The following CLGN variants were observed in gnomAD, a reference collection of about 807,000 sequenced individuals.
CLGN encodes testis tissue sperm-binding protein Li 79P.
In CLGN, 62 loss-of-function variants were observed where a neutral mutation model predicts 79.1. The ratio of observed to expected loss-of-function variants is 0.78; its 90% CI spans 0.64 to 0.97. The LOEUF (loss-of-function observed/expected upper bound fraction) is 0.97, where lower values mean the gene tolerates loss of function less well. Among genes scored for constraint, CLGN ranks in the 50% least tolerant of loss-of-function variants. The pLI is 0.00. For missense variants in CLGN, 647 were observed against 715.5 expected (o/e 0.90, Z 1.09); for synonymous variants, 225 against 224.7 (o/e 1.00, Z -0.01).
intron 8 of CLGN, among the ~76,000 whole-genome samples, chr4:140,398,495 C>G (rs1232226657): frequency 1.3e-5 from 2 of 151,982 alleles, no homozygotes; most frequent in South Asian, 2.1e-4. Flanking sequence ...TTTCGAACTC[C>G]TGACCTCAGG....
intron 5 of CLGN, among the ~76,000 whole-genome samples, chr4:140,402,337 A>C (rs1022405598): frequency 3.9e-5 from 6 of 151,992 alleles, no homozygotes; most frequent in African/African-American, 1.4e-4. Context: ...TTTTCCATCA[A>C]AACTGATAAA....
At chr4:140,400,705 G>A (rs1728983560) in intron 6 of CLGN, among the ~76,000 whole-genome samples, 156 bp from the exon 7 acceptor site, 1 of 152,050 alleles carries the variant, frequency 6.6e-6, no homozygotes, top group Non-Finnish European at 1.5e-5. Context: ...AAGGACATGG[G>A]AAAATGACAA....
At chr4:140,420,553 T>A (rs866959837) in intron 1 of CLGN, among the ~76,000 whole-genome samples, 2 of 150,124 alleles carry the variant, frequency 1.3e-5, no homozygotes, top group South Asian at 2.1e-4. Context: ...GTTCTTTTTT[T>A]TAAAAAAAAA....
At position 140,398,855 on chromosome 4, in the gene CLGN, CTTCTGG is replaced by C; in HGVS notation, c.874_879del (p.Pro292_Glu293del). 1 of 1,613,552 alleles carries C rather than the reference CTTCTGG, an allele frequency of 6.2e-7. No homozygotes were observed. Among genetic ancestry groups the C allele is most frequent in the Non-Finnish European group, 8.5e-7 (1 of 1,179,788 alleles). On this transcript the variant is annotated inframe_deletion, in exon 8 of 15. Transcript: ENST00000325617. ...GCTACCGAATTATTTGCTTACCAGT[CTTCTGG>C]TTTGACGGCAGAAGGATCAGGAATT...
At chr4:140,400,691 A>C in intron 6 of CLGN, 142 bp from the exon 7 acceptor site, 2 of 562,310 alleles carry the variant, frequency 3.6e-6, no homozygotes, top group South Asian at 5.1e-5. Flanking sequence ...TACAAGTGAC[A>C]ATAAAGGACA....
chr4:140,400,550 C>A lies in CLGN; in HGVS notation c.502-1G>T. 2.5e-6 allele frequency: 4 copies of A among 1,575,348 alleles called. No homozygotes were observed. The highest frequency in any genetic ancestry group is 3.5e-6 in the Non-Finnish European group (4 of 1,154,792). On this transcript the variant is annotated splice_acceptor_variant, in intron 6 of 14. Coordinates refer to ENST00000325617, the MANE Select transcript of CLGN (RefSeq NM_004362.3). LOFTEE classifies it high-confidence loss of function. ...AGGATGTTTTATCATAAAAGTTTTCCTTCAAAGAGAGATGAGTGTTGGCAT... is the reference window on the plus strand; with the variant it reads ...AGGATGTTTTATCATAAAAGTTTTCATTCAAAGAGAGATGAGTGTTGGCAT...
rs371002888 is a variant in CLGN at position 140,413,052 on chromosome 4, A to T, written c.27T>A (p.Cys9Ter). The T allele has an allele frequency of 2.8e-5, 45 of 1,612,554 alleles. No homozygotes were observed. Among genetic ancestry groups the T allele is most frequent in the Non-Finnish European group, 3.6e-5 (43 of 1,179,462 alleles). Residue 9 changes from cysteine (C) to a stop codon, truncating the protein, a stop_gained, in exon 2 of 15, where the codon TGT becomes TGA. Coordinates refer to ENST00000325617, the MANE Select transcript of CLGN (RefSeq NM_004362.3). LOFTEE classifies it high-confidence loss of function. ...TAATTGAGATGAACAGAAGACCCAA[A>T]CATAGCCAAAAGGCTTGGAAATGCA... MHFQAFWLCLGLLFISINA... is the reference protein window; with the variant it reads MHFQAFWL
At chr4:140,412,780 A>T (rs1332090689) in intron 2 of CLGN, among the ~76,000 whole-genome samples, 155 bp downstream of exon 2, 1 of 152,228 alleles carries the variant, frequency 6.6e-6, no homozygotes, top group Non-Finnish European at 1.5e-5. Context: ...GGCACTCTAA[A>T]AATTAAAGTA....
chr4:140,408,157 T>C (rs905336313), intron 4 of CLGN, among the ~76,000 whole-genome samples: 1 of 151,972 alleles, frequency 6.6e-6, no homozygotes, highest in South Asian at 2.1e-4. Flanking sequence ...TCCTTACTTG[T>C]CACCTTATAC....
chr4:140,418,276 C>T (rs1372289929), intron 1 of CLGN, among the ~76,000 whole-genome samples: 1 of 150,800 alleles, frequency 6.6e-6, no homozygotes, highest in East Asian at 1.9e-4. Context: ...CATTACCATT[C>T]AGGACATAGG....
At position 140,393,942 on chromosome 4, in the gene CLGN, A is replaced by G. The variant is rs142857415; in HGVS notation, c.1249T>C (p.Ser417Pro). 1.7e-4 allele frequency: 268 copies of G among 1,613,654 alleles called. No individual in the cohort carries two copies. The highest frequency in any genetic ancestry group is 2.2e-4 in the Non-Finnish European group (261 of 1,179,770). ...SFSALGLELW[S>P]MTSDIYFDNF... ...TCAAAGTAGATATCAGAGGTCATAG[A>G]CCAAAGCTCTAAACCAAGAGCACTG... The change falls in exon 11 of 15, where the codon TCT (serine) becomes CCT (proline). Residue 417 changes from serine (S) to proline (P), a missense_variant. Ser to Pro is a moderately conservative substitution (Grantham distance 74, BLOSUM62 -1). Coordinates refer to ENST00000325617, the MANE Select transcript of CLGN (RefSeq NM_004362.3).
At chr4:140,390,066 T>G (rs1200817668) in intron 14 of CLGN, among the ~76,000 whole-genome samples, 1 of 151,468 alleles carries the variant, frequency 6.6e-6, no homozygotes, top group Admixed American at 6.6e-5. Flanking sequence ...GGATTTCTCA[T>G]TCCATAATAA....
At chr4:140,403,529 G>C (rs949827808) in intron 5 of CLGN, among the ~76,000 whole-genome samples, 1 of 152,132 alleles carries the variant, frequency 6.6e-6, no homozygotes, top group Non-Finnish European at 1.5e-5. Context: ...ACTATAAGTA[G>C]AACACGTGGT....
intron 5 of CLGN, among the ~76,000 whole-genome samples, chr4:140,404,388 A>C (rs1578599042): frequency 6.6e-6 from 1 of 152,046 alleles, no homozygotes; most frequent in Non-Finnish European, 1.5e-5. Context: ...GCACTGCGCC[A>C]GGCCTTTACT....
intron 1 of CLGN, among the ~76,000 whole-genome samples, chr4:140,416,385 A>C (rs1318068354): frequency 1.4e-5 from 2 of 140,334 alleles, no homozygotes; most frequent in African/African-American, 5.3e-5. Flanking sequence ...GACACAAAAA[A>C]CCCTTCAAAA....
intron 1 of CLGN, among the ~76,000 whole-genome samples, chr4:140,422,741 G>A (rs928413191): frequency 1.3e-5 from 2 of 152,012 alleles, no homozygotes; most frequent in African/African-American, 2.4e-5. Context: ...TCAGCCTCTC[G>A]AGTAGCTGGG....
At chr4:140,426,146 A>G (rs1470553356) in intron 1 of CLGN, among the ~76,000 whole-genome samples, 1 of 152,212 alleles carries the variant, frequency 6.6e-6, no homozygotes. Flanking sequence ...AATAAAAAGT[A>G]CACCCAACAT....
At chr4:140,412,870 G>C in intron 2 of CLGN, 65 bp downstream of exon 2, 1 of 1,319,550 alleles carries the variant, frequency 7.6e-7, no homozygotes, top group African/African-American at 1.5e-5. Context: ...TGAATCACCA[G>C]AGGTCAATCA....
intron 1 of CLGN, among the ~76,000 whole-genome samples, chr4:140,418,758 C>T (rs1425837634): frequency 6.7e-6 from 1 of 149,560 alleles, no homozygotes; most frequent in African/African-American, 2.4e-5. Flanking sequence ...GTTGGTGGGA[C>T]TGTAAACTAG....
Sources: allele counts gnomAD v4.1 joint callset (sites outside exome capture counted in the v4.1 genomes callset), GRCh38; gene constraint gnomAD v4.1.1; transcripts MANE v1.5; gene names NCBI Gene and HGNC (gene_info 2026-07-23, HGNC 2026-07-21).